The following ELFN1 variants were observed in gnomAD, a reference collection of about 807,000 sequenced individuals.
ELFN1 encodes the protein extracellular leucine rich repeat and fibronectin type III domain containing 1, also known as protein ELFN1.
ELFN1 carries 6 observed loss-of-function variants against 7.6 expected under a neutral mutation model. The observed-to-expected ratio is 0.79, with a 90% CI of 0.43 to 1.56. The LOEUF (loss-of-function observed/expected upper bound fraction) is 1.56. Among genes scored for constraint, ELFN1 ranks in the 40% most tolerant of loss-of-function variants. The pLI is 0.01. For synonymous variants in ELFN1, 657 were observed against 588.1 expected (o/e 1.12, Z -1.70); for missense variants, 1,169 against 1,232.2 (o/e 0.95, Z 0.77).
At chr7:1,667,349 C>A (rs1304688741), upstream of ELFN1, among the ~76,000 whole-genome samples, 1 of 152,274 alleles carries the variant, frequency 6.6e-6, no homozygotes, top group East Asian at 1.9e-4. The surrounding 1 kb of genome is among the most constrained non-coding windows in gnomAD (Gnocchi z 8.2). Flanking sequence ...CCCGCCCCTG[C>A]GGCCCCATCT....
At position 1,691,231 on chromosome 7, in the gene ELFN1, C is replaced by T. The variant is rs189219701; in HGVS notation, c.-456+3081C>T. 1.8e-3 allele frequency among the ~76,000 whole-genome samples: 275 copies of T among 152,280 alleles called. 1 individual carries two copies. Among genetic ancestry groups the T allele is most frequent in the African/African-American group, 6.4e-3 (264 of 41,540 alleles). On this transcript the variant is annotated intron_variant, in intron 2 of 3. Coordinates refer to ENST00000424383, the MANE Select transcript of ELFN1 (RefSeq NM_001128636.4). The stretch of plus-strand genomic sequence containing the variant: ...CAGACAGCAGGGTCTAAACCAGGAG[C>T]CAGGGGCCTCCGGGATGCCGACACT...
At chr7:1,687,241 G>A (rs572631885) in intron 1 of ELFN1, among the ~76,000 whole-genome samples, 1 of 152,240 alleles carries the variant, frequency 6.6e-6, no homozygotes, top group African/African-American at 2.4e-5. Flanking sequence ...TTTCAAGGAT[G>A]TGGAAATGAT....
intron 2 of ELFN1, among the ~76,000 whole-genome samples, chr7:1,690,565 AGT>A (rs1160684386): frequency 2.1e-5 from 3 of 142,986 alleles, no homozygotes; most frequent in African/African-American, 7.9e-5. Context: ...TGGATGGGTG[AGT>A]GTGAATGGAT....
upstream of ELFN1, among the ~76,000 whole-genome samples, chr7:1,668,918 C>T (rs1778710934): frequency 6.6e-6 from 1 of 152,308 alleles, no homozygotes; most frequent in South Asian, 2.1e-4. Context: ...ATCGTGGGGG[C>T]GCACTGGCTT....
At chr7:1,680,372 T>C (rs965874131) in intron 1 of ELFN1, among the ~76,000 whole-genome samples, 1 of 152,216 alleles carries the variant, frequency 6.6e-6, no homozygotes, top group Non-Finnish European at 1.5e-5. Flanking sequence ...AAGACGTGGA[T>C]GGTCTGGGGT....
chr7:1,679,984 C>T (rs534097731), intron 1 of ELFN1, among the ~76,000 whole-genome samples: 4 of 152,336 alleles, frequency 2.6e-5, no homozygotes, highest in East Asian at 1.9e-4. Context: ...TGCCCCTGAG[C>T]GCTCCTGTGT....
intron 2 of ELFN1, among the ~76,000 whole-genome samples, chr7:1,707,549 G>A (rs1249451504): frequency 1.3e-5 from 2 of 152,224 alleles, no homozygotes; most frequent in African/African-American, 2.4e-5. Flanking sequence ...AAGCAGGCAC[G>A]GGCTGGGTAG....
At chr7:1,680,863 T>C (rs1410684248) in intron 1 of ELFN1, among the ~76,000 whole-genome samples, 1 of 151,070 alleles carries the variant, frequency 6.6e-6, no homozygotes, top group African/African-American at 2.4e-5. Context: ...TGCCTCAGCC[T>C]CCTGAGTAGC....
chr7:1,682,442 TA>T (rs1254861188), intron 1 of ELFN1, among the ~76,000 whole-genome samples: 1 of 152,078 alleles, frequency 6.6e-6, no homozygotes, highest in Admixed American at 6.6e-5. Flanking sequence ...TATTTTATTT[TA>T]TTTTTTTTAT....
chr7:1,716,353 T>C (rs1779831365), intron 3 of ELFN1, among the ~76,000 whole-genome samples: 1 of 152,166 alleles, frequency 6.6e-6, no homozygotes, highest in Non-Finnish European at 1.5e-5. Context: ...GGTGACGGCC[T>C]GGGTAAATTC....
Position 1,685,235 on chromosome 7 carries a change from G to C in ELFN1, c.-548-2823G>C, listed in dbSNP as rs555620681. On this transcript the variant is annotated intron_variant, in intron 1 of 3. Transcript: ENST00000424383. Reference sequence around the variant, plus strand: ...GGACACTGTGAATCAATTTTCTCCTGCTCCTTTATTTGTCTTTCAACAGTT... The same window carrying C: ...GGACACTGTGAATCAATTTTCTCCTCCTCCTTTATTTGTCTTTCAACAGTT... Among the ~76,000 whole-genome samples, 10 of 152,100 alleles carry C rather than the reference G, an allele frequency of 6.6e-5. No individual in the cohort carries two copies. The South Asian group carries it at 1.2e-3, about 19-fold the overall frequency.
chr7:1,736,112 A>G (rs923975577), intron 3 of ELFN1, among the ~76,000 whole-genome samples: 3 of 152,302 alleles, frequency 2.0e-5, no homozygotes, highest in South Asian at 2.1e-4. Flanking sequence ...TGATATGCCT[A>G]TCACAGCCTC....
intron 3 of ELFN1, among the ~76,000 whole-genome samples, chr7:1,730,181 C>T (rs563084094): frequency 6.6e-5 from 10 of 152,358 alleles, no homozygotes; most frequent in Non-Finnish European, 1.0e-4. Context: ...ACAAATGAGG[C>T]GTGACATTTC....
intron 1 of ELFN1, among the ~76,000 whole-genome samples, chr7:1,675,558 G>C (rs948319853): frequency 4.6e-5 from 7 of 152,358 alleles, no homozygotes; most frequent in Non-Finnish European, 1.0e-4. Context: ...AATAAACACA[G>C]ATACAAACAC....
upstream of ELFN1, among the ~76,000 whole-genome samples, chr7:1,668,652 G>A (rs1319765134): frequency 6.6e-6 from 1 of 152,330 alleles, no homozygotes; most frequent in Non-Finnish European, 1.5e-5. Context: ...CAGACAGGCA[G>A]GGAGGAGAGG....
chr7:1,675,936 G>C (rs1323346605), intron 1 of ELFN1, among the ~76,000 whole-genome samples: 1 of 152,204 alleles, frequency 6.6e-6, no homozygotes, highest in Non-Finnish European at 1.5e-5. Context: ...AGAAGCCCAA[G>C]GGGCTGGGGA....
upstream of ELFN1, among the ~76,000 whole-genome samples, chr7:1,667,964 G>GT (rs949921686): frequency 2.1e-5 from 3 of 144,380 alleles, no homozygotes; most frequent in Non-Finnish European, 3.1e-5. The surrounding 1 kb of genome is among the most constrained non-coding windows in gnomAD (Gnocchi z 8.2). Context: ...TCCGCTCGGG[G>GT]TGGGGGGGGG....
chr7:1,689,658 A>G (rs1436925203), intron 2 of ELFN1, among the ~76,000 whole-genome samples: 3 of 152,172 alleles, frequency 2.0e-5, no homozygotes, highest in Admixed American at 6.5e-5. Context: ...TGAATCTCCT[A>G]ACAACATTAT....
intron 1 of ELFN1, among the ~76,000 whole-genome samples, chr7:1,677,836 T>C (rs1360221281): frequency 6.6e-6 from 1 of 152,078 alleles, no homozygotes; most frequent in African/African-American, 2.4e-5. Context: ...AGGGAGCGTG[T>C]GGAGCTCCCG....
Sources: gnomAD v4.1 joint callset for allele counts (sites outside exome capture counted in the v4.1 genomes callset) on GRCh38, gnomAD v4.1.1 for gene constraint, Gnocchi (gnomAD v3.1) non-coding constraint, MANE v1.5 for transcripts, NCBI Gene and HGNC (gene_info 2026-07-23, HGNC 2026-07-21) for gene names.